Variants in DCC observed in about 807,000 individuals in gnomAD.
DCC encodes the protein netrin receptor DCC.
A neutral mutation model predicts 172.5 loss-of-function variants in DCC; 58 were observed. The observed-to-expected ratio is 0.34, with a 90% confidence interval of 0.27 to 0.42. The LOEUF is 0.42. DCC is among the 10% of genes least tolerant of loss of function. The pLI is 1.00. For synonymous variants in DCC, 709 were observed against 644.5 expected, an observed-to-expected ratio of 1.10 and a Z score of -1.52; for missense variants, 1,740 against 1,791.0, an observed-to-expected ratio of 0.97 and a Z score of 0.51.
intron 3 of DCC, among the ~76,000 whole-genome samples, chr18:52,917,830 C>A (rs966089148): frequency 1.3e-5 from 2 of 152,166 alleles, no homozygotes; most frequent in Admixed American, 6.5e-5. Flanking sequence ...TAGGGAAATG[C>A]TAAACTAGGC....
At chr18:52,700,096 C>A (rs998940358) in intron 1 of DCC, among the ~76,000 whole-genome samples, 1 of 150,620 alleles carries the variant, frequency 6.6e-6, no homozygotes, top group Non-Finnish European at 1.5e-5. Flanking sequence ...TATAAGTTAC[C>A]ATTTTGGAAA....
At chr18:53,082,058 G>A (rs189344149) in intron 7 of DCC, among the ~76,000 whole-genome samples, 28 of 152,164 alleles carry the variant, frequency 1.8e-4, no homozygotes, top group African/African-American at 6.3e-4. Flanking sequence ...CCTTGTCAAA[G>A]GAGAATGCGT....
At chr18:52,786,796 G>A (rs569032601) in intron 2 of DCC, among the ~76,000 whole-genome samples, 2 of 152,050 alleles carry the variant, frequency 1.3e-5, no homozygotes, top group African/African-American at 4.8e-5. Flanking sequence ...TGTAGACAAG[G>A]TATGAGGCCA....
At chr18:52,663,919 AAC>A (rs1193346325) in intron 1 of DCC, among the ~76,000 whole-genome samples, 1 of 151,328 alleles carries the variant, frequency 6.6e-6, no homozygotes, top group Non-Finnish European at 1.5e-5. Flanking sequence ...GGAGACAGAA[AAC>A]TACATTCTCA....
intron 1 of DCC, among the ~76,000 whole-genome samples, chr18:52,458,117 T>C (rs1043514167): frequency 6.6e-6 from 1 of 152,074 alleles, no homozygotes; most frequent in Non-Finnish European, 1.5e-5. Context: ...TCCTTGGTGG[T>C]CCAAATTTTG....
chr18:52,700,324 A>T (rs561193732), intron 1 of DCC, among the ~76,000 whole-genome samples: 6 of 140,982 alleles, frequency 4.3e-5, no homozygotes, highest in East Asian at 4.2e-4. Flanking sequence ...ATGCACACTC[A>T]CGGAATGCAC....
intron 7 of DCC, among the ~76,000 whole-genome samples, chr18:53,145,223 C>T (rs1414131198): frequency 6.8e-6 from 1 of 146,392 alleles, no homozygotes; most frequent in Non-Finnish European, 1.5e-5. Flanking sequence ...TCGCCATTCT[C>T]CTGCCTCAGC....
At chr18:53,448,050 T>TTTTTTTTTTTG (rs1912732494) in intron 22 of DCC, among the ~76,000 whole-genome samples, 4 of 148,280 alleles carry the variant, frequency 2.7e-5, no homozygotes, top group African/African-American at 1.0e-4. Context: ...TTGATGAGTT[T>TTTTTTTTTTTG]TTTTTTTTTT....
In DCC at chr18:53,529,022, TCTCTCTCTCTCTCTCTCACACACACACA is replaced by T. The variant is rs1251351588; in HGVS notation, c.4255-1540_4255-1513del. Among the ~76,000 whole-genome samples, 116 of 130,538 alleles carry T rather than the reference TCTCTCTCTCTCTCTCTCACACACACACA, an allele frequency of 8.9e-4. 1 individual carries two copies. Among genetic ancestry groups the T allele is most frequent in the East Asian group, 1.8e-3 (8 of 4,340 alleles). The allele number at this position is 130,538 out of a possible 152,430, so 85.6% of individuals were successfully genotyped here. Reference sequence around the variant, plus strand: ...TTCAACTTCTCTCTCTCTCTCTCTCTCTCTCTCTCTCTCTCTCACACACACACACACACACACACACACACACACACAC... The same window carrying T: ...TTCAACTTCTCTCTCTCTCTCTCTCTCACACACACACACACACACACACAC... On this transcript the variant is annotated intron_variant, in intron 28 of 28. Coordinates refer to ENST00000442544, the MANE Select transcript of DCC (RefSeq NM_005215.4).
rs1318999419 is a variant in DCC at position 53,101,829 on chromosome 18, T to TTG, written c.1261+35674_1261+35675dup. Among the ~76,000 whole-genome samples, 3 of 65,764 alleles carry TTG rather than the reference T, an allele frequency of 4.6e-5. 1 individual carries two copies. Among genetic ancestry groups the TTG allele is most frequent in the Non-Finnish European group, 1.2e-4 (3 of 25,904 alleles). 43.1% of individuals were successfully genotyped at this position (65,764 alleles called of 152,430 possible). ...TGTGTGTGTGTGTGTGTGTGTGTAT[T>TTG]TGTGTGTGTGTGCGTGTGCGTGTGA... is the stretch of plus-strand genomic sequence containing the variant. On this transcript the variant is annotated intron_variant, in intron 7 of 28. Coordinates refer to ENST00000442544, the MANE Select transcript of DCC (RefSeq NM_005215.4).
intron 5 of DCC, among the ~76,000 whole-genome samples, chr18:52,955,913 CTTGTTA>C (rs1313666295): frequency 6.6e-6 from 1 of 151,270 alleles, no homozygotes; most frequent in East Asian, 1.9e-4. Context: ...AATCAGGTTG[CTTGTTA>C]TTGTTGAGTT....
At chr18:53,054,390 G>C (rs8084016) in intron 5 of DCC, among the ~76,000 whole-genome samples, 1 of 151,938 alleles carries the variant, frequency 6.6e-6, no homozygotes, top group South Asian at 2.1e-4. Flanking sequence ...ACACACACAC[G>C]CAAGCTTAAT....
At chr18:53,226,330 G>T (rs2056027280) in intron 12 of DCC, among the ~76,000 whole-genome samples, 1 of 152,142 alleles carries the variant, frequency 6.6e-6, no homozygotes, top group Non-Finnish European at 1.5e-5. Context: ...TGAAAGTTTT[G>T]GTTCTAAAAT....
chr18:52,712,354 TA>T (rs535351615), intron 1 of DCC, among the ~76,000 whole-genome samples: 179 of 152,358 alleles, frequency 1.2e-3, no homozygotes, highest in African/African-American at 4.2e-3. Flanking sequence ...TGTAATATAT[TA>T]TTTGACTTTT....
chr18:53,470,125 T>C (rs2045677382), intron 25 of DCC, among the ~76,000 whole-genome samples: 1 of 152,034 alleles, frequency 6.6e-6, no homozygotes, highest in South Asian at 2.1e-4. Context: ...TCCTCTCTTT[T>C]CTCCCTACAC....
At chr18:52,762,364 C>A (rs8085570) in intron 2 of DCC, among the ~76,000 whole-genome samples, 16,334 of 151,788 alleles carry the variant, frequency 0.11, 2,926 homozygotes, top group African/African-American at 0.37. Context: ...GTCCCAGCTA[C>A]TTGGGAGGCT....
intron 1 of DCC, among the ~76,000 whole-genome samples, chr18:52,487,819 A>AC: frequency 6.6e-6 from 1 of 151,268 alleles, no homozygotes; most frequent in African/African-American, 2.4e-5. Context: ...TCAAAAAAAA[A>AC]AAAAAAAAAA....
intron 1 of DCC, among the ~76,000 whole-genome samples, chr18:52,470,042 T>A (rs569434205): frequency 4.6e-5 from 7 of 152,230 alleles, no homozygotes; most frequent in Admixed American, 6.5e-5. Context: ...ATTTGTTGAT[T>A]ATAGGACATT....
chr18:53,253,234 T>G (rs2144662408), intron 12 of DCC, among the ~76,000 whole-genome samples: 1 of 152,126 alleles, frequency 6.6e-6, no homozygotes, highest in South Asian at 2.1e-4. Context: ...TGTTGAAGTT[T>G]CCGTCCACCC....
Sources: gnomAD v4.1 joint callset for allele counts (sites outside exome capture counted in the v4.1 genomes callset) on GRCh38, gnomAD v4.1.1 for gene constraint, MANE v1.5 for transcripts, NCBI Gene and HGNC (gene_info 2026-07-23, HGNC 2026-07-21) for gene names.